Variants in OR9Q1 observed in about 807,000 individuals in gnomAD.
OR9Q1 encodes the protein olfactory receptor family 9 subfamily Q member 1, also known as olfactory receptor 9Q1.
For missense variants in OR9Q1, 374 were observed against 378.8 expected (o/e 0.99, Z 0.11); for synonymous variants, 153 against 148.6 (o/e 1.03, Z -0.22).
At chr11:58,053,267 C>T (rs1853285732) in intron 1 of OR9Q1, among the ~76,000 whole-genome samples, 1 of 151,550 alleles carries the variant, frequency 6.6e-6, no homozygotes, top group Non-Finnish European at 1.5e-5. Flanking sequence ...ACTATGTAGC[C>T]ATAAAAAATG....
chr11:58,114,104 C>T (rs916903724), intron 2 of OR9Q1, among the ~76,000 whole-genome samples: 4 of 152,146 alleles, frequency 2.6e-5, no homozygotes, highest in African/African-American at 7.2e-5. Context: ...TTGAACCCAC[C>T]CCAGCAGGTA....
intron 1 of OR9Q1, chr11:58,044,855 T>C (rs1392665542): frequency 6.6e-6 from 1 of 152,150 alleles, no homozygotes; most frequent in Non-Finnish European, 1.5e-5. Context: ...TTCAGATTCC[T>C]CTTCAATAAA....
chr11:58,107,423 C>G (rs1019927085), intron 2 of OR9Q1, among the ~76,000 whole-genome samples: 19 of 152,222 alleles, frequency 1.2e-4, no homozygotes, highest in Middle Eastern at 3.4e-3. Flanking sequence ...CATCCATGTA[C>G]CTACAAAGGA....
rs928872906 is a variant in OR9Q1 at position 58,116,931 on chromosome 11, T to C, written c.-15+60984T>C. 2.6e-5 allele frequency: 4 copies of C among 152,376 alleles called. No individual in the cohort carries two copies. The East Asian group carries it at 7.7e-4, about 29-fold the overall frequency. 9.4% of individuals were successfully genotyped at this position (152,376 alleles called of 1,614,324 possible). A position where few individuals can be genotyped will look rare whatever the true frequency, so the allele number is the denominator to read the frequency against. On this transcript the variant is annotated intron_variant, in intron 2 of 2. Transcript: ENST00000335397. ...TACATCCTTTTATTATTCTTGACTA[T>C]GTGGGATATAGATACATGCACTCCA...
At chr11:58,087,885 A>G (rs924198915) in intron 2 of OR9Q1, among the ~76,000 whole-genome samples, 3 of 151,922 alleles carry the variant, frequency 2.0e-5, no homozygotes, top group Admixed American at 2.0e-4. Flanking sequence ...TACAAAGGAC[A>G]TGAAGTCATT....
intron 1 of OR9Q1, chr11:58,031,825 TC>T: frequency 6.2e-7 from 1 of 1,614,138 alleles, no homozygotes; most frequent in Non-Finnish European, 8.5e-7. Context: ...TGCTCAATCC[TC>T]TCATCTACAG....
intron 2 of OR9Q1, among the ~76,000 whole-genome samples, chr11:58,110,795 C>G (rs1043351787): frequency 6.6e-6 from 1 of 152,118 alleles, no homozygotes; most frequent in Non-Finnish European, 1.5e-5. Context: ...AGAAATCAGG[C>G]TGATTATTCC....
intron 2 of OR9Q1, among the ~76,000 whole-genome samples, chr11:58,176,487 G>A (rs1263260403): frequency 6.6e-6 from 1 of 152,194 alleles, no homozygotes; most frequent in Non-Finnish European, 1.5e-5. Context: ...AGAGATTTGT[G>A]TTGGAGCTGG....
chr11:58,168,999 T>C (rs960047633), intron 2 of OR9Q1, among the ~76,000 whole-genome samples: 1 of 152,206 alleles, frequency 6.6e-6, no homozygotes, highest in Non-Finnish European at 1.5e-5. Context: ...CCTTTATTAA[T>C]TTCTGTATGC....
chr11:58,179,803 A>G lies in OR9Q1; in HGVS notation c.359A>G (p.Tyr120Cys), dbSNP rs1329637201. Residue 120 changes from tyrosine (Y) to cysteine (C), a missense_variant, in exon 3 of 3, where the codon TAT becomes TGT. Transcript: ENST00000335397. ...IDCYLLALMAYDRYLAVCQPL... is the reference protein window; with the variant it reads ...IDCYLLALMACDRYLAVCQPL... Reference sequence around the variant, plus strand: ...TGCTACCTCTTGGCCCTCATGGCCTATGACCGCTACTTGGCTGTGTGCCAG... The same window carrying G: ...TGCTACCTCTTGGCCCTCATGGCCTGTGACCGCTACTTGGCTGTGTGCCAG... 32 of 1,614,070 alleles carry G rather than the reference A, an allele frequency of 2.0e-5. No homozygotes were observed. Among genetic ancestry groups the G allele is most frequent in the Non-Finnish European group, 2.5e-5 (30 of 1,180,038 alleles).
chr11:58,169,469 G>A (rs1854535413), intron 2 of OR9Q1, among the ~76,000 whole-genome samples: 1 of 147,956 alleles, frequency 6.8e-6, no homozygotes, highest in African/African-American at 2.6e-5. Flanking sequence ...CTTTCCCCCT[G>A]GTGGCATTTT....
chr11:58,101,894 GCA>G (rs1212546629), intron 2 of OR9Q1, among the ~76,000 whole-genome samples: 2 of 152,132 alleles, frequency 1.3e-5, no homozygotes, highest in East Asian at 3.9e-4. Flanking sequence ...TTACAGGTGT[GCA>G]CCACCACACC....
intron 2 of OR9Q1, chr11:58,073,466 T>TACAC (rs1181332105): frequency 3.3e-5 from 5 of 152,878 alleles, no homozygotes; most frequent in African/African-American, 9.7e-5. Context: ...CTTTATTTTA[T>TACAC]ACACAGAGTA....
At chr11:58,043,160 G>T (rs1052562669) in intron 1 of OR9Q1, among the ~76,000 whole-genome samples, 1 of 152,140 alleles carries the variant, frequency 6.6e-6, no homozygotes, top group African/African-American at 2.4e-5. Context: ...TTGATTCCAT[G>T]TCTTCCTAGT....
At chr11:58,133,853 T>C (rs1191065965) in intron 2 of OR9Q1, among the ~76,000 whole-genome samples, 1 of 152,158 alleles carries the variant, frequency 6.6e-6, no homozygotes, top group East Asian at 1.9e-4. Flanking sequence ...CCTTTGTGGA[T>C]GAGTAATTTC....
rs1185705496 is a variant in OR9Q1, at chr11:58,053,211, A to G, written c.-92-2659A>G. 5.3e-5 allele frequency among the ~76,000 whole-genome samples: 8 copies of G among 151,746 alleles called. 1 individual carries two copies. The East Asian group carries it at 1.5e-3, about 29-fold the overall frequency. On this transcript the variant is annotated intron_variant, in intron 1 of 2. Transcript: ENST00000335397. Reference sequence around the variant, plus strand: ...TTGGAACCAACCCAAATGTCCAACAATGATAGACTGGATTAAGAAAATGTG... The same window carrying G: ...TTGGAACCAACCCAAATGTCCAACAGTGATAGACTGGATTAAGAAAATGTG...
chr11:58,089,287 T>C (rs946734361), intron 2 of OR9Q1, among the ~76,000 whole-genome samples: 2 of 151,878 alleles, frequency 1.3e-5, no homozygotes, highest in African/African-American at 4.9e-5. Flanking sequence ...GGGTTTTACA[T>C]TTAAGTCTTT....
Position 58,107,619 on chromosome 11 carries a change from A to T in OR9Q1, c.-15+51672A>T, listed in dbSNP as rs564665325. ...TAGCATGATTTGTAATCCTTTGGGT[A>T]TATACCTAGCAATGGGATCTCTGGG... On this transcript the variant is annotated intron_variant, in intron 2 of 2. Transcript: ENST00000335397. 1.1e-4 allele frequency among the ~76,000 whole-genome samples: 17 copies of T among 152,268 alleles called. No individual in the cohort carries two copies. In the East Asian group the frequency reaches 2.9e-3, roughly 26 times the overall value.
intron 2 of OR9Q1, among the ~76,000 whole-genome samples, chr11:58,092,870 G>A (rs776203567): frequency 8.5e-4 from 129 of 152,274 alleles, no homozygotes; most frequent in Middle Eastern, 3.4e-3. Context: ...TACTATTGTA[G>A]GTTAGTTACA....
Sources: allele counts gnomAD v4.1 joint callset (sites outside exome capture counted in the v4.1 genomes callset), GRCh38; gene constraint gnomAD v4.1.1; transcripts MANE v1.5; gene names NCBI Gene and HGNC (gene_info 2026-07-23, HGNC 2026-07-21).